The following IL1RAPL1 variants were observed in gnomAD, a reference collection of about 807,000 sequenced individuals.
IL1RAPL1 encodes the protein interleukin-1 receptor accessory protein-like 1.
IL1RAPL1 carries 3 observed loss-of-function variants against 48.4 expected under a neutral mutation model. The observed-to-expected ratio is 0.06, with a 90% CI of 0.03 to 0.16. The LOEUF (loss-of-function observed/expected upper bound fraction) is 0.16. Among genes scored for constraint, IL1RAPL1 ranks in the 10% least tolerant of loss-of-function variants. IL1RAPL1 has a pLI of 1.00. For missense variants in IL1RAPL1, 349 were observed against 530.6 expected (o/e 0.66, Z 3.36); for synonymous variants, 185 against 187.7 (o/e 0.99, Z 0.12).
At chrX:28,847,477 C>A (rs1467489395) in intron 2 of IL1RAPL1, among the ~76,000 whole-genome samples, 1 of 111,501 alleles carries the variant, frequency 9.0e-6, no homozygotes, top group Admixed American at 9.6e-5. Flanking sequence ...TTATCTCTCT[C>A]AGAATAAAAT....
At chrX:28,927,910 A>G (rs1234587441) in intron 2 of IL1RAPL1, among the ~76,000 whole-genome samples, 2 of 111,372 alleles carry the variant, frequency 1.8e-5, no homozygotes, top group Non-Finnish European at 3.8e-5. Context: ...TGTCTTTAAA[A>G]TGCTAACTAT....
intron 2 of IL1RAPL1, among the ~76,000 whole-genome samples, chrX:28,813,219 T>G: frequency 8.9e-6 from 1 of 111,745 alleles, no homozygotes; most frequent in Middle Eastern, 4.6e-3. Flanking sequence ...CTGCTTTCAC[T>G]GATCCCCAAA....
chrX:28,933,818 G>A (rs1252206882), intron 2 of IL1RAPL1, among the ~76,000 whole-genome samples: 1 of 111,595 alleles, frequency 9.0e-6, no homozygotes, highest in Non-Finnish European at 1.9e-5. Context: ...GAAAAGGGCA[G>A]GCAATTCCTG....
At chrX:29,453,649 AT>A in intron 5 of IL1RAPL1, among the ~76,000 whole-genome samples, 1 of 110,913 alleles carries the variant, frequency 9.0e-6, no homozygotes. Flanking sequence ...CTTTTAGAAA[AT>A]TTTTTTTATT....
At chrX:28,838,108 A>G (rs1418780263) in intron 2 of IL1RAPL1, among the ~76,000 whole-genome samples, 1 of 106,381 alleles carries the variant, frequency 9.4e-6, no homozygotes, top group Non-Finnish European at 1.9e-5. Flanking sequence ...GTTAGTTGCT[A>G]TGTGGAAATA....
At chrX:28,792,816 A>AATAT (rs1555924328) in intron 2 of IL1RAPL1, among the ~76,000 whole-genome samples, 464 of 10,071 alleles carry the variant, frequency 0.046, 18 homozygotes, top group Middle Eastern at 0.091. Flanking sequence ...AAAAAAAAAA[A>AATAT]ATATATATAT....
At chrX:29,649,843 T>TTA (rs1410413851) in intron 5 of IL1RAPL1, among the ~76,000 whole-genome samples, 1 of 111,440 alleles carries the variant, frequency 9.0e-6, no homozygotes, top group African/African-American at 3.3e-5. Context: ...AGACATGATC[T>TTA]TATATATATA....
intron 2 of IL1RAPL1, among the ~76,000 whole-genome samples, chrX:29,151,179 G>A (rs1176244270): frequency 1.8e-5 from 2 of 111,462 alleles, no homozygotes; most frequent in East Asian, 5.7e-4. Context: ...ACATTAAGAA[G>A]CAAGTCACCA....
intron 3 of IL1RAPL1, among the ~76,000 whole-genome samples, chrX:29,304,372 C>T (rs937720720): frequency 2.7e-5 from 3 of 111,395 alleles, no homozygotes; most frequent in Non-Finnish European, 5.7e-5. Context: ...TTTCTCTTTC[C>T]TTTCTGGCCC....
At chrX:29,156,657 A>G (rs765835068) in intron 2 of IL1RAPL1, among the ~76,000 whole-genome samples, 1 of 111,712 alleles carries the variant, frequency 9.0e-6, no homozygotes, top group East Asian at 2.8e-4. Flanking sequence ...ACAGCCCCTG[A>G]AAACATGCTC....
chrX:29,678,546 T>G (rs761563661), intron 6 of IL1RAPL1, among the ~76,000 whole-genome samples: 5 of 104,952 alleles, frequency 4.8e-5, no homozygotes, highest in East Asian at 3.0e-4. Context: ...GTGTGTGTGT[T>G]TTTAGTAGAC....
At chrX:28,877,009 T>C (rs1922392393) in intron 2 of IL1RAPL1, among the ~76,000 whole-genome samples, 1 of 112,071 alleles carries the variant, frequency 8.9e-6, no homozygotes, top group Non-Finnish European at 1.9e-5. Flanking sequence ...TCCAATTTTA[T>C]TATCAGAGGC....
chrX:29,703,500 G>A (rs186058673), intron 6 of IL1RAPL1, among the ~76,000 whole-genome samples: 290 of 110,205 alleles, frequency 2.6e-3, no homozygotes, highest in Middle Eastern at 0.014. Context: ...CCGCCACCAC[G>A]CCCTGCTAAT....
intron 2 of IL1RAPL1, among the ~76,000 whole-genome samples, chrX:28,874,136 TCTGA>T (rs1291016808): frequency 1.8e-5 from 2 of 111,511 alleles, no homozygotes; most frequent in African/African-American, 3.3e-5. Context: ...TTTTGCAGTG[TCTGA>T]CTGTCAACAC....
intron 5 of IL1RAPL1, among the ~76,000 whole-genome samples, chrX:29,613,009 A>T (rs1171408280): frequency 9.0e-6 from 1 of 111,659 alleles, no homozygotes; most frequent in Non-Finnish European, 1.9e-5. Context: ...TTCACCACAT[A>T]CTTTTGTTAA....
At chrX:29,439,851 G>GTTTTTTTTTTTTTTTTTTTTTTTTGTTT (rs760458968) in intron 5 of IL1RAPL1, among the ~76,000 whole-genome samples, 1 of 59,865 alleles carries the variant, frequency 1.7e-5, no homozygotes, top group African/African-American at 7.1e-5. Context: ...TGTTTGTTTG[G>GTTTTTTTTTTTTTTTTTTTTTTTTGTTT]TTTTTTTTTT....
intron 2 of IL1RAPL1, among the ~76,000 whole-genome samples, chrX:28,814,774 C>T (rs1601914840): frequency 1.3e-5 from 1 of 75,259 alleles, no homozygotes. Flanking sequence ...CTTTTTCTGG[C>T]TTTTCTGGCT....
intron 2 of IL1RAPL1, among the ~76,000 whole-genome samples, chrX:29,100,878 T>C (rs1928322426): frequency 8.9e-6 from 1 of 112,122 alleles, no homozygotes. Flanking sequence ...AAACACTCAA[T>C]AAATAGTAAC....
intron 6 of IL1RAPL1, among the ~76,000 whole-genome samples, chrX:29,695,597 C>CGAGAGA (rs10635140): frequency 0.081 from 7,639 of 94,703 alleles, 272 homozygotes; most frequent in Middle Eastern, 0.16. Context: ...TGCAAGGTGG[C>CGAGAGA]GAGAGAGAGA....
Sources: allele counts gnomAD v4.1 joint callset (sites outside exome capture counted in the v4.1 genomes callset), GRCh38; gene constraint gnomAD v4.1.1; transcripts MANE v1.5; gene names NCBI Gene and HGNC (gene_info 2026-07-23, HGNC 2026-07-21).